The following DDAH1 variants were observed in gnomAD, a reference collection of about 807,000 sequenced individuals.
The protein encoded by DDAH1 is N(G),N(G)-dimethylarginine dimethylaminohydrolase 1.
Under a neutral mutation model 28.8 loss-of-function variants are expected in DDAH1, and 19 were observed. The ratio of observed to expected loss-of-function variants is 0.66; its 90% confidence interval spans 0.46 to 0.97. DDAH1 has a LOEUF of 0.97. DDAH1 is among the 50% of genes least tolerant of loss of function. The pLI, the probability that DDAH1 is intolerant of heterozygous loss-of-function variation, is 0.00. For missense variants in DDAH1, 326 were observed against 375.9 expected, an observed-to-expected ratio of 0.87 and a Z score of 1.10; for synonymous variants, 153 against 154.4, an observed-to-expected ratio of 0.99 and a Z score of 0.07.
intron 1 of DDAH1, among the ~76,000 whole-genome samples, chr1:85,424,303 T>C (rs1653291590): frequency 6.6e-6 from 1 of 152,114 alleles, no homozygotes; most frequent in Non-Finnish European, 1.5e-5. Context: ...TCTTAAGTCT[T>C]TGGTATAATT....
rs776771057 is a variant in DDAH1, at chr1:85,321,405, G to A, written c.*47C>T. ...CAACAGGAGTGGGCACAGAGTCATC[G>A]GCCTTGCCTGTGCGGTCTTGCCGGC... On this transcript the variant is annotated 3_prime_UTR_variant, in exon 6 of 6. Transcript: ENST00000284031. 1.1e-4 allele frequency: 137 copies of A among 1,207,416 alleles called. No individual in the cohort carries two copies. The highest frequency in any genetic ancestry group is 2.1e-4 in the Middle Eastern group (1 of 4,804). 74.8% of individuals were successfully genotyped at this position (1,207,416 alleles called of 1,614,324 possible).
chr1:85,556,924 C>G (rs1362713302), intron 1 of DDAH1, among the ~76,000 whole-genome samples: 1 of 152,152 alleles, frequency 6.6e-6, no homozygotes, highest in Non-Finnish European at 1.5e-5. Context: ...CTAGAACAGC[C>G]TGGCCAACAT....
chr1:85,367,958 C>T (rs1490018947), intron 1 of DDAH1, among the ~76,000 whole-genome samples: 1 of 152,164 alleles, frequency 6.6e-6, no homozygotes, highest in Non-Finnish European at 1.5e-5. Flanking sequence ...AAAAGTAACT[C>T]ATTTAGGTAT....
intron 1 of DDAH1, among the ~76,000 whole-genome samples, chr1:85,548,642 G>A (rs552825714): frequency 4.6e-5 from 7 of 152,206 alleles, no homozygotes; most frequent in African/African-American, 1.7e-4. Context: ...GGATTCAACT[G>A]GTTGATCCCT....
At chr1:85,383,322 T>C (rs1349959763) in intron 1 of DDAH1, among the ~76,000 whole-genome samples, 1 of 152,156 alleles carries the variant, frequency 6.6e-6, no homozygotes, top group East Asian at 1.9e-4. Context: ...GCAGATGTGG[T>C]AGAAATAGCA....
intron 1 of DDAH1, among the ~76,000 whole-genome samples, chr1:85,418,810 G>A (rs982998437): frequency 3.3e-5 from 5 of 152,170 alleles, no homozygotes; most frequent in Admixed American, 3.3e-4. Context: ...ATCTTGCCAT[G>A]CTATGGGTCC....
intron 1 of DDAH1, among the ~76,000 whole-genome samples, chr1:85,496,923 T>A (rs950930374): frequency 3.3e-5 from 5 of 152,228 alleles, no homozygotes; most frequent in African/African-American, 1.2e-4. Flanking sequence ...ATATAACACG[T>A]ACTATCTTCT....
intron 2 of DDAH1, among the ~76,000 whole-genome samples, chr1:85,487,273 T>C (rs564862177): frequency 3.6e-4 from 55 of 152,378 alleles, no homozygotes; most frequent in African/African-American, 1.3e-3. Context: ...CACCTTTCAA[T>C]TGAATACATG....
intron 2 of DDAH1, among the ~76,000 whole-genome samples, chr1:85,489,356 T>C (rs898048765): frequency 1.3e-5 from 2 of 152,060 alleles, no homozygotes; most frequent in Non-Finnish European, 2.9e-5. Context: ...ATGGCTGAAA[T>C]TAGATTCAGG....
chr1:85,507,504 CAATAAATA>C (rs773565540), intron 1 of DDAH1, among the ~76,000 whole-genome samples: 9 of 148,582 alleles, frequency 6.1e-5, no homozygotes, highest in African/African-American at 1.7e-4. Context: ...CCCTGCATCA[CAATAAATA>C]AATAAATAAA....
chr1:85,397,988 CTCT>C (rs1281292769), intron 1 of DDAH1, among the ~76,000 whole-genome samples: 6 of 109,020 alleles, frequency 5.5e-5, no homozygotes, highest in Admixed American at 2.1e-4. Context: ...CCAAATAAAC[CTCT>C]TTTTTTTTTT....
At chr1:85,439,772 C>G (rs1654108506) in intron 1 of DDAH1, among the ~76,000 whole-genome samples, 2 of 152,174 alleles carry the variant, frequency 1.3e-5, no homozygotes, top group Non-Finnish European at 2.9e-5. Context: ...AGTGACCTAG[C>G]ATCTTGTAAG....
In DDAH1 at chr1:85,324,830, G is replaced by A; in HGVS notation, c.651C>T (p.Asp217=). Residue 217 remains aspartate (D), a synonymous_variant, in exon 5 of 6, where the codon GAC becomes GAT. Transcript: ENST00000284031. The part of the protein sequence containing the change: ...HRYDKLTVPD[D]IAANCIYLNI... The stretch of plus-strand genomic sequence containing the variant: ...TTAGATATATACAGTTTGCTGCTAT[G>A]TCATCAGGCACAGTGAGTTTGTCGT... 5 of 1,614,102 alleles carry A rather than the reference G, an allele frequency of 3.1e-6. No homozygotes were observed. Among genetic ancestry groups the A allele is most frequent in the Non-Finnish European group, 4.2e-6 (5 of 1,180,002 alleles).
At chr1:85,327,811 C>T (rs772831208) in intron 4 of DDAH1, among the ~76,000 whole-genome samples, 14 of 152,210 alleles carry the variant, frequency 9.2e-5, no homozygotes, top group Non-Finnish European at 1.8e-4. Context: ...ACATAAAATG[C>T]TTAGCACAAG....
At chr1:85,338,675 A>C (rs548353965) in intron 4 of DDAH1, among the ~76,000 whole-genome samples, 20 of 152,282 alleles carry the variant, frequency 1.3e-4, no homozygotes, top group African/African-American at 4.1e-4. Flanking sequence ...TGGGATGTAC[A>C]TTTTAAGTGT....
intron 1 of DDAH1, among the ~76,000 whole-genome samples, chr1:85,447,473 A>C (rs901741100): frequency 6.6e-6 from 1 of 152,240 alleles, no homozygotes; most frequent in African/African-American, 2.4e-5. Flanking sequence ...CAGTGAGAAG[A>C]GATGGCATGA....
chr1:85,414,590 A>G (rs1652801185), intron 1 of DDAH1, among the ~76,000 whole-genome samples: 1 of 152,204 alleles, frequency 6.6e-6, no homozygotes, highest in African/African-American at 2.4e-5. Flanking sequence ...ACTCAATAGA[A>G]AAATGGACAA....
intron 1 of DDAH1, among the ~76,000 whole-genome samples, chr1:85,499,218 T>C (rs534144577): frequency 2.0e-5 from 3 of 152,276 alleles, no homozygotes; most frequent in Admixed American, 1.3e-4. Context: ...AGAATATATA[T>C]ATTTTTAATT....
In DDAH1 at chr1:85,538,521, T is replaced by C. The variant is rs545736964; in HGVS notation, c.-123+39463A>G. ...ATGATTTGCCCAGGTGGGCTCAGTT[T>C]CATTTCTTTCTCTGACATTCTCAAG... On this transcript the variant is annotated intron_variant, in intron 1 of 6. Coordinates refer to the DDAH1 transcript ENST00000426972. Among the ~76,000 whole-genome samples the C allele has an allele frequency of 9.6e-3, 1,458 of 152,268 alleles. 11 individuals are homozygous for C. Among genetic ancestry groups the C allele is most frequent in the Middle Eastern group, 0.027 (8 of 294 alleles).
Sources: gnomAD v4.1 joint callset for allele counts (sites outside exome capture counted in the v4.1 genomes callset) on GRCh38, gnomAD v4.1.1 for gene constraint, MANE v1.5 for transcripts, NCBI Gene and HGNC (gene_info 2026-07-23, HGNC 2026-07-21) for gene names.